RYR2: variants seen among roughly 807,000 people sequenced by gnomAD.
The protein encoded by RYR2 is cardiac muscle ryanodine receptor-calcium release channel.
Under a neutral mutation model 601.1 loss-of-function variants are expected in RYR2, and 227 were observed. The ratio of observed to expected loss-of-function variants is 0.38; its 90% CI spans 0.34 to 0.42. The LOEUF (loss-of-function observed/expected upper bound fraction) is 0.42, where lower values mean the gene tolerates loss of function less well. RYR2 is among the 10% of genes least tolerant of loss of function. RYR2 has a pLI of 1.00. For missense variants in RYR2, 4,646 were observed against 6,156.5 expected, an observed-to-expected ratio of 0.75 and a Z score of 8.21; for synonymous variants, 2,223 against 2,175.1, an observed-to-expected ratio of 1.02 and a Z score of -0.61.
intron 1 of RYR2, among the ~76,000 whole-genome samples, chr1:237,248,298 C>A (rs921409121): frequency 1.8e-5 from 2 of 112,264 alleles, no homozygotes; most frequent in African/African-American, 3.6e-5. Context: ...CCCCCCCCCC[C>A]CAAAAATGAT....
At position 237,747,920 on chromosome 1, in the gene RYR2, A is replaced by G. The variant is rs112990910; in HGVS notation, c.11145+5571A>G. 7.0e-3 allele frequency among the ~76,000 whole-genome samples: 1,060 copies of G among 152,246 alleles called. 14 individuals are homozygous for G. The highest frequency in any genetic ancestry group is 0.024 in the African/African-American group (1,007 of 41,544). Reference sequence around the variant, plus strand: ...AGCATTAAGAGTTGCTTTTCATGCTATTGAATCATAGAGGGGAAAGAGGGA... The same window carrying G: ...AGCATTAAGAGTTGCTTTTCATGCTGTTGAATCATAGAGGGGAAAGAGGGA... On this transcript the variant is annotated intron_variant, in intron 80 of 104. Coordinates refer to ENST00000366574, the MANE Select transcript of RYR2 (RefSeq NM_001035.3).
At chr1:237,542,555 A>G (rs1669414542) in intron 25 of RYR2, among the ~76,000 whole-genome samples, 1 of 152,070 alleles carries the variant, frequency 6.6e-6, no homozygotes. Context: ...GTCTTCATTC[A>G]TCTCTGCTGG....
At chr1:237,365,076 TG>T (rs906488327) in intron 5 of RYR2, among the ~76,000 whole-genome samples, 2 of 152,214 alleles carry the variant, frequency 1.3e-5, no homozygotes, top group Non-Finnish European at 2.9e-5. Context: ...AGAAAATTTT[TG>T]TTTCATTTTT....
At chr1:237,235,992 T>A (rs568659884) in intron 1 of RYR2, among the ~76,000 whole-genome samples, 1 of 152,316 alleles carries the variant, frequency 6.6e-6, no homozygotes, top group South Asian at 2.1e-4. Context: ...CCTCTAGTCA[T>A]CCTGTCATAT....
At chr1:237,587,218 T>C (rs13375361) in intron 29 of RYR2, among the ~76,000 whole-genome samples, 77,682 of 151,964 alleles carry the variant, frequency 0.51, 20,358 homozygotes, top group South Asian at 0.68. Flanking sequence ...TAGTTTAAGT[T>C]GATTTGGAGG....
At chr1:237,094,152 T>C (rs1041167954) in intron 1 of RYR2, among the ~76,000 whole-genome samples, 1 of 152,226 alleles carries the variant, frequency 6.6e-6, no homozygotes, top group African/African-American at 2.4e-5. Flanking sequence ...GATAGAGGTG[T>C]TCCTGGAAAA....
rs1306251123 is a variant in RYR2, at chr1:237,445,311, T to A, written c.1171-90T>A. On this transcript the variant is annotated intron_variant, in intron 13 of 104. Transcript: ENST00000366574. ...CCTGCCTTTTGATTCTATCTGTTGT[T>A]ATGGCTCAGCTGTTTGAGTACACAT... 3 of 1,533,078 alleles carry A rather than the reference T, an allele frequency of 2.0e-6. No homozygotes were observed. The Admixed American group carries it at 5.5e-5, about 28-fold the overall frequency. 95.0% of individuals were successfully genotyped at this position (1,533,078 alleles called of 1,614,324 possible).
chr1:237,722,404 C>T (rs1689801779), intron 73 of RYR2, among the ~76,000 whole-genome samples: 1 of 151,580 alleles, frequency 6.6e-6, no homozygotes, highest in Non-Finnish European at 1.5e-5. Context: ...TCATGATGAC[C>T]AGGACTTTAT....
At chr1:237,802,795 C>T (rs1261420147) in intron 98 of RYR2, among the ~76,000 whole-genome samples, 2 of 152,244 alleles carry the variant, frequency 1.3e-5, no homozygotes, top group East Asian at 3.8e-4. Context: ...ACAGTATTTG[C>T]ATAGCCCACT....
At chr1:237,721,060 G>A (rs1689680122) in intron 73 of RYR2, among the ~76,000 whole-genome samples, 1 of 152,120 alleles carries the variant, frequency 6.6e-6, no homozygotes, top group African/African-American at 2.4e-5. Flanking sequence ...GCATATTAAT[G>A]AGATACACAG....
intron 13 of RYR2, among the ~76,000 whole-genome samples, chr1:237,441,981 A>G (rs1474742078): frequency 6.6e-6 from 1 of 152,230 alleles, no homozygotes; most frequent in Non-Finnish European, 1.5e-5. Flanking sequence ...CAAGTCTTTG[A>G]TTTATGTATA....
chr1:237,170,193 G>C (rs1677199937), intron 1 of RYR2, among the ~76,000 whole-genome samples: 1 of 152,140 alleles, frequency 6.6e-6, no homozygotes, highest in South Asian at 2.1e-4. Flanking sequence ...GGAAAAGGTG[G>C]GTTAATCCAG....
At chr1:237,832,209 T>TG (rs149910300) in intron 104 of RYR2, among the ~76,000 whole-genome samples, 2,996 of 148,626 alleles carry the variant, frequency 0.02, 48 homozygotes, top group Middle Eastern at 0.055. Context: ...TGGCTTTTTT[T>TG]TGTGTTTTTT....
chr1:237,597,405 C>T (rs1445151440), intron 34 of RYR2, among the ~76,000 whole-genome samples: 1 of 151,590 alleles, frequency 6.6e-6, no homozygotes, highest in Non-Finnish European at 1.5e-5. Context: ...CCTCAGCCTC[C>T]TGAGTAGCTG....
chr1:237,638,524 TATC>T (rs1271577775), intron 45 of RYR2, 32 bp downstream of exon 45: 9 of 1,609,904 alleles, frequency 5.6e-6, no homozygotes, highest in Middle Eastern at 3.3e-4. Flanking sequence ...TCTTTTGAGT[TATC>T]ATTAAAACTG....
intron 29 of RYR2, among the ~76,000 whole-genome samples, chr1:237,587,385 C>G (rs992175964): frequency 6.6e-6 from 1 of 151,998 alleles, no homozygotes; most frequent in African/African-American, 2.4e-5. Context: ...AAAATGAAAG[C>G]TTGTTTTTTA....
intron 63 of RYR2, among the ~76,000 whole-genome samples, chr1:237,688,987 G>A (rs1487500821): frequency 6.6e-6 from 1 of 152,160 alleles, no homozygotes; most frequent in Non-Finnish European, 1.5e-5. Flanking sequence ...AACTTGGCTA[G>A]GTGTGGTGGC....
chr1:237,286,526 A>C (rs1202467879), intron 2 of RYR2, among the ~76,000 whole-genome samples: 2 of 17,602 alleles, frequency 1.1e-4, no homozygotes, highest in Non-Finnish European at 2.4e-4. Context: ...TGTTAAGTCC[A>C]TTTCTTCCAA....
At position 237,773,440 on chromosome 1, in the gene RYR2, G is replaced by C. The variant is rs903957434; in HGVS notation, c.11647-80G>C. 2.1e-5 allele frequency: 19 copies of C among 913,742 alleles called. No homozygotes were observed. In the Admixed American group the frequency reaches 3.3e-4, roughly 16 times the overall value. The allele number at this position is 913,742 out of a possible 1,614,324, so 56.6% of individuals were successfully genotyped here. A position where few individuals can be genotyped will look rare whatever the true frequency, so the allele number is the denominator to read the frequency against. ...ATCTATTATTTAAAATACTTCTCAG[G>C]CATAAAGTCCAAGACTGGTTAGTCA... On this transcript the variant is annotated intron_variant, in intron 86 of 104. Transcript: ENST00000366574.
Sources: allele counts gnomAD v4.1 joint callset (sites outside exome capture counted in the v4.1 genomes callset), GRCh38; gene constraint gnomAD v4.1.1; transcripts MANE v1.5; gene names NCBI Gene and HGNC (gene_info 2026-07-23, HGNC 2026-07-21).